DDR2: variants seen among roughly 807,000 people sequenced by gnomAD.
DDR2 encodes discoidin domain-containing receptor 2.
In DDR2, 27 loss-of-function variants were observed where a neutral mutation model predicts 94.9. The ratio of observed to expected loss-of-function variants is 0.28; its 90% CI spans 0.21 to 0.39. DDR2 has a LOEUF of 0.39. Ranked by LOEUF, DDR2 falls within the 10% of genes least tolerant of loss-of-function variation. DDR2 has a pLI of 1.00. For missense variants in DDR2, 783 were observed against 1,076.0 expected (o/e 0.73, Z 3.81); for synonymous variants, 382 against 377.2 (o/e 1.01, Z -0.15).
chr1:162,770,236 A>ACT lies in DDR2; in HGVS notation c.1294-66_1294-65insCT, dbSNP rs1183127230. The ACT allele has an allele frequency of 1.6e-5, 23 of 1,479,300 alleles. 1 individual carries two copies. Among genetic ancestry groups the ACT allele is most frequent in the Middle Eastern group, 3.4e-4 (2 of 5,810 alleles). The allele number at this position is 1,479,300 out of a possible 1,614,324, so 91.6% of individuals were successfully genotyped here. ...TCATTTGAGTGGGAGAGCTGAGTTT[A>ACT]AGAAGAGGAGGCATTGACCATCTCT... On this transcript the variant is annotated intron_variant, in intron 11 of 17. Coordinates refer to ENST00000367921, the MANE Select transcript of DDR2 (RefSeq NM_006182.4).
chr1:162,750,755 G>C lies in DDR2; in HGVS notation c.83-2340G>C, dbSNP rs142857567. ...ACTTGACTTCAAACTATACTACAAG[G>C]CTACAGTAACCAAAACAGCATGGTA... is the stretch of plus-strand genomic sequence containing the variant. On this transcript the variant is annotated intron_variant, in intron 3 of 17. Transcript: ENST00000367921. Among the ~76,000 whole-genome samples the C allele has an allele frequency of 9.5e-3, 1,439 of 152,228 alleles. 19 individuals carry two copies. Among genetic ancestry groups the C allele is most frequent in the African/African-American group, 0.033 (1,374 of 41,522 alleles).
At chr1:162,728,592 C>A (rs1661839597) in intron 3 of DDR2, among the ~76,000 whole-genome samples, 1 of 152,152 alleles carries the variant, frequency 6.6e-6, no homozygotes, top group Admixed American at 6.5e-5. Context: ...TAACATAATG[C>A]TATGCCATGC....
rs1571334310 is a variant in DDR2, at chr1:162,783,742, A to T, written c.*3496A>T. The T allele has an allele frequency of 6.6e-6, 1 of 152,186 alleles. No individual in the cohort carries two copies. 9.4% of individuals were successfully genotyped at this position (152,186 alleles called of 1,614,324 possible). ...ATTTTTCAGAATTTTAAGAAAGGGGAAGTTCCTCTTGGAAAAGATATAGCA... is the reference window on the plus strand; with the variant it reads ...ATTTTTCAGAATTTTAAGAAAGGGGTAGTTCCTCTTGGAAAAGATATAGCA... On this transcript the variant is annotated 3_prime_UTR_variant, in exon 18 of 18. Transcript: ENST00000367921.
At chr1:162,683,197 C>T (rs1041743784) in intron 2 of DDR2, among the ~76,000 whole-genome samples, 2 of 152,042 alleles carry the variant, frequency 1.3e-5, no homozygotes, top group Non-Finnish European at 1.5e-5. Flanking sequence ...ATAATTACCT[C>T]AATTAAAAAG....
chr1:162,635,030 T>A (rs1422476860), intron 1 of DDR2, among the ~76,000 whole-genome samples: 1 of 152,184 alleles, frequency 6.6e-6, no homozygotes, highest in Non-Finnish European at 1.5e-5. Flanking sequence ...CTGGGTAAGA[T>A]CCATTTGCTT....
intron 10 of DDR2, 101 bp downstream of exon 10, chr1:162,766,164 C>A: frequency 7.8e-7 from 1 of 1,275,506 alleles, no homozygotes; most frequent in Non-Finnish European, 1.1e-6. Flanking sequence ...GGAGGCTTTA[C>A]ACCAGTTGGC....
intron 2 of DDR2, among the ~76,000 whole-genome samples, chr1:162,675,454 G>T (rs1329046185): frequency 6.6e-6 from 1 of 152,220 alleles, no homozygotes; most frequent in Middle Eastern, 3.2e-3. Flanking sequence ...AAGTCTACCA[G>T]TCAAAAGGAA....
chr1:162,773,454 A>G lies in DDR2; in HGVS notation c.1729-15A>G. Reference sequence around the variant, plus strand: ...GGAGAAATGATGATGCTGAGACTAGATGACTTTTGTCTAGGTTCATCTCTG... The same window carrying G: ...GGAGAAATGATGATGCTGAGACTAGGTGACTTTTGTCTAGGTTCATCTCTG... On this transcript the variant is annotated splice_polypyrimidine_tract_variant and intron_variant, in intron 13 of 17. Transcript: ENST00000367921. 4 of 1,613,234 alleles carry G rather than the reference A, an allele frequency of 2.5e-6. No homozygotes were observed. The highest frequency in any genetic ancestry group is 3.4e-6 in the Non-Finnish European group (4 of 1,179,402).
chr1:162,638,243 A>T (rs907926444), intron 1 of DDR2, among the ~76,000 whole-genome samples: 2 of 151,146 alleles, frequency 1.3e-5, no homozygotes, highest in Non-Finnish European at 3.0e-5. Flanking sequence ...CTGGTCTCAA[A>T]CTCCTGACCT....
chr1:162,639,564 A>T (rs1327896745), intron 1 of DDR2, among the ~76,000 whole-genome samples: 1 of 152,240 alleles, frequency 6.6e-6, no homozygotes, highest in East Asian at 1.9e-4. Context: ...AAATCTCAGT[A>T]ATCTTGGATA....
At chr1:162,741,638 C>A in intron 3 of DDR2, 1 of 985,306 alleles carries the variant, frequency 1.0e-6, no homozygotes, top group Non-Finnish European at 1.2e-6. Context: ...TCCAGGAATG[C>A]CTGCCTTGGA....
At chr1:162,751,220 T>G (rs1410243447) in intron 3 of DDR2, among the ~76,000 whole-genome samples, 2 of 151,958 alleles carry the variant, frequency 1.3e-5, no homozygotes, top group African/African-American at 4.8e-5. Flanking sequence ...ACCTACAGAA[T>G]AGGAGAAAAT....
chr1:162,674,527 G>C (rs4657222), intron 2 of DDR2, among the ~76,000 whole-genome samples: 105,910 of 152,106 alleles, frequency 0.7, 37,449 homozygotes, highest in Middle Eastern at 0.81. Context: ...TAATAATACA[G>C]AGCAGGATTA....
chr1:162,684,214 A>G (rs137970655), intron 2 of DDR2, among the ~76,000 whole-genome samples: 23 of 152,308 alleles, frequency 1.5e-4, no homozygotes, highest in African/African-American at 5.1e-4. Context: ...CTGGGTCTAA[A>G]TCACTTAAAC....
intron 3 of DDR2, among the ~76,000 whole-genome samples, chr1:162,726,955 G>C (rs1047586055): frequency 2.0e-5 from 3 of 150,962 alleles, no homozygotes; most frequent in Non-Finnish European, 4.4e-5. Flanking sequence ...ACAATATAGC[G>C]ATATAAGTAT....
chr1:162,689,868 T>A (rs866081432), intron 2 of DDR2, among the ~76,000 whole-genome samples: 3,284 of 31,084 alleles, frequency 0.11, 1 homozygote, highest in Non-Finnish European at 0.15. Flanking sequence ...AAAAAAAAAA[T>A]AGCCAGGTGT....
At chr1:162,695,024 G>A (rs1356481494) in intron 2 of DDR2, among the ~76,000 whole-genome samples, 1 of 152,126 alleles carries the variant, frequency 6.6e-6, no homozygotes, top group East Asian at 1.9e-4. Flanking sequence ...TGCTTTGGCT[G>A]TGGAGCAATA....
chr1:162,685,958 C>G (rs1254986898), intron 2 of DDR2, among the ~76,000 whole-genome samples: 1 of 152,200 alleles, frequency 6.6e-6, no homozygotes, highest in Non-Finnish European at 1.5e-5. Context: ...CAGCATCAGA[C>G]AGTGCTAGGC....
chr1:162,752,010 G>A (rs1156466887), intron 3 of DDR2, among the ~76,000 whole-genome samples: 2 of 152,086 alleles, frequency 1.3e-5, no homozygotes, highest in South Asian at 2.1e-4. Flanking sequence ...GTGAGGGGAC[G>A]GGGGAGGAAT....
Sources: gnomAD v4.1 joint callset for allele counts (sites outside exome capture counted in the v4.1 genomes callset) on GRCh38, gnomAD v4.1.1 for gene constraint, MANE v1.5 for transcripts, NCBI Gene and HGNC (gene_info 2026-07-23, HGNC 2026-07-21) for gene names.